MEOX2: variants seen among roughly 807,000 people sequenced by gnomAD.
MEOX2 encodes the protein homeobox protein MOX-2.
MEOX2 carries 11 observed loss-of-function variants against 27.0 expected under a neutral mutation model. The ratio of observed to expected loss-of-function variants is 0.41; its 90% CI spans 0.26 to 0.68. MEOX2 has a LOEUF of 0.68. MEOX2 is among the 30% of genes least tolerant of loss of function. The probability of loss-of-function intolerance (pLI) is 0.33; values close to 1 mark genes in which losing one functional copy is unlikely to be tolerated. For synonymous variants in MEOX2, 189 were observed against 155.4 expected (o/e 1.22, Z -1.61); for missense variants, 436 against 385.4 (o/e 1.13, Z -1.10).
At chr7:15,644,254 A>G (rs1367027921) in intron 1 of MEOX2, among the ~76,000 whole-genome samples, 3 of 152,050 alleles carry the variant, frequency 2.0e-5, no homozygotes, top group Non-Finnish European at 2.9e-5. Context: ...CAGTGCCTCT[A>G]TATGTTCTCC....
At position 15,686,391 on chromosome 7, in the gene MEOX2, C is replaced by T. The variant is rs1425584353; in HGVS notation, c.12G>A (p.Pro4=). The T allele has an allele frequency of 4.5e-6, 7 of 1,572,850 alleles. No individual in the cohort carries two copies. Among genetic ancestry groups the T allele is most frequent in the Non-Finnish European group, 6.0e-6 (7 of 1,158,566 alleles). Residue 4 remains proline, a synonymous_variant, in exon 1 of 3, where the codon CCG becomes CCA. Transcript: ENST00000262041. MEH[P]LFGCLRSPHA... Reference sequence around the variant, plus strand: ...GAGGGCTGCGCAGGCAGCCAAAGAGCGGGTGTTCCATAGCATGCAAGTTTC... The same window carrying T: ...GAGGGCTGCGCAGGCAGCCAAAGAGTGGGTGTTCCATAGCATGCAAGTTTC...
At chr7:15,660,038 T>A (rs1562609051) in intron 1 of MEOX2, among the ~76,000 whole-genome samples, 1 of 152,138 alleles carries the variant, frequency 6.6e-6, no homozygotes, top group African/African-American at 2.4e-5. Flanking sequence ...ATCTATAATA[T>A]CATTGAGAGG....
At chr7:15,641,972 G>A (rs758053480) in intron 1 of MEOX2, among the ~76,000 whole-genome samples, 8 of 152,140 alleles carry the variant, frequency 5.3e-5, no homozygotes, top group Non-Finnish European at 1.0e-4. Flanking sequence ...TCTCTGCTGA[G>A]AAATCTTCTG....
chr7:15,620,097 A>G (rs1407164551), intron 2 of MEOX2, among the ~76,000 whole-genome samples: 1 of 152,018 alleles, frequency 6.6e-6, no homozygotes, highest in East Asian at 1.9e-4. Flanking sequence ...TTTATATTTA[A>G]TATTAAAATC....
At chr7:15,650,772 A>G (rs773367479) in intron 1 of MEOX2, among the ~76,000 whole-genome samples, 1 of 152,112 alleles carries the variant, frequency 6.6e-6, no homozygotes, top group Non-Finnish European at 1.5e-5. Context: ...AAAAAAGTCA[A>G]TGCAATGAAA....
chr7:15,619,822 T>A (rs1011850282), intron 2 of MEOX2, among the ~76,000 whole-genome samples: 8 of 152,068 alleles, frequency 5.3e-5, no homozygotes, highest in African/African-American at 1.9e-4. Flanking sequence ...TATTTGAAAT[T>A]TAAATATTTA....
chr7:15,632,952 C>T (rs1781424926), intron 1 of MEOX2, among the ~76,000 whole-genome samples: 1 of 151,914 alleles, frequency 6.6e-6, no homozygotes, highest in Non-Finnish European at 1.5e-5. Context: ...TCATTTGCAC[C>T]TACAGTGGGA....
In MEOX2 at chr7:15,685,909, C is replaced by G; in HGVS notation, c.494G>C (p.Gly165Ala). 1 of 1,605,928 alleles carries G rather than the reference C, an allele frequency of 6.2e-7. No homozygotes were observed. The highest frequency in any genetic ancestry group is 8.5e-7 in the Non-Finnish European group (1 of 1,176,700). The stretch of plus-strand genomic sequence containing the variant: ...ACCTGAGCTGTCGCTTTTCCTCTTG[C>G]CGCCGCTTCGCTTCTCCGCCTCCGC... ...SPAEAEKRSG[G>A]KRKSDSSDSQ... Residue 165 changes from glycine (G) to alanine (A), a missense_variant, in exon 1 of 3, where the codon GGC (glycine) becomes GCC (alanine). By Grantham distance (60) the Gly-to-Ala change is moderately conservative. Transcript: ENST00000262041.
intron 1 of MEOX2, among the ~76,000 whole-genome samples, chr7:15,672,064 A>G (rs1782107819): frequency 6.6e-6 from 1 of 151,886 alleles, no homozygotes; most frequent in South Asian, 2.1e-4. Context: ...CTACACTCCA[A>G]CCTGGGTGAC....
intron 1 of MEOX2, among the ~76,000 whole-genome samples, chr7:15,628,193 C>T (rs1476987966): frequency 4.0e-5 from 6 of 151,588 alleles, no homozygotes; most frequent in Admixed American, 2.0e-4. Flanking sequence ...CTAAGAAGTA[C>T]AAAAATGAAT....
intron 1 of MEOX2, among the ~76,000 whole-genome samples, chr7:15,647,251 C>T (rs976601822): frequency 3.9e-5 from 6 of 152,002 alleles, no homozygotes; most frequent in Non-Finnish European, 2.9e-5. Flanking sequence ...CTCAAACATA[C>T]ATAAAATGAG....
At chr7:15,627,454 G>C (rs17168920) in intron 1 of MEOX2, among the ~76,000 whole-genome samples, 7,411 of 152,022 alleles carry the variant, frequency 0.049, 235 homozygotes, top group African/African-American at 0.099. Flanking sequence ...TAAAATTCTT[G>C]AGGGCAATAG....
At chr7:15,664,306 GT>G (rs1437026734) in intron 1 of MEOX2, among the ~76,000 whole-genome samples, 6 of 152,092 alleles carry the variant, frequency 3.9e-5, no homozygotes, top group Admixed American at 3.9e-4. Context: ...GATCTTTCTA[GT>G]TGTTGTGGCA....
intron 1 of MEOX2, among the ~76,000 whole-genome samples, chr7:15,661,012 CAAAAAAA>C (rs71004402): frequency 0.012 from 536 of 44,248 alleles, no homozygotes; most frequent in Non-Finnish European, 0.017. Flanking sequence ...GACTCAGTCT[CAAAAAAA>C]AAAAAAAAAA....
intron 1 of MEOX2, among the ~76,000 whole-genome samples, chr7:15,674,105 T>G (rs943327815): frequency 1.3e-5 from 2 of 152,142 alleles, no homozygotes; most frequent in Non-Finnish European, 2.9e-5. Context: ...ACAAGTAATA[T>G]CTAATAACAT....
chr7:15,659,621 G>A (rs376248365), intron 1 of MEOX2, among the ~76,000 whole-genome samples: 18 of 151,928 alleles, frequency 1.2e-4, no homozygotes, highest in African/African-American at 3.4e-4. Context: ...TTAGCTGGGC[G>A]TGGTGGCGGA....
At chr7:15,633,898 C>T (rs1781443029) in intron 1 of MEOX2, among the ~76,000 whole-genome samples, 1 of 151,762 alleles carries the variant, frequency 6.6e-6, no homozygotes, top group Non-Finnish European at 1.5e-5. Flanking sequence ...ATTATAATTA[C>T]AAAGATAACC....
At chr7:15,675,140 T>C (rs1167708586) in intron 1 of MEOX2, among the ~76,000 whole-genome samples, 1 of 152,194 alleles carries the variant, frequency 6.6e-6, no homozygotes. Flanking sequence ...AATAACTGCC[T>C]AAAATATGAT....
At chr7:15,659,144 C>T (rs1308131017) in intron 1 of MEOX2, among the ~76,000 whole-genome samples, 1 of 152,152 alleles carries the variant, frequency 6.6e-6, no homozygotes, top group Non-Finnish European at 1.5e-5. Flanking sequence ...GGACTACAGG[C>T]ACATGCCAGC....
Sources: gnomAD v4.1 joint callset for allele counts (sites outside exome capture counted in the v4.1 genomes callset) on GRCh38, gnomAD v4.1.1 for gene constraint, MANE v1.5 for transcripts, NCBI Gene and HGNC (gene_info 2026-07-23, HGNC 2026-07-21) for gene names.